Variants in LRRC37A2 observed in about 807,000 individuals in gnomAD.
The protein encoded by LRRC37A2 is leucine-rich repeat-containing protein 37A2.
A neutral mutation model predicts 68.8 loss-of-function variants in LRRC37A2; 9 were observed. That is an observed-to-expected ratio of 0.13 (90% CI 0.08 to 0.23). The LOEUF is 0.23. Ranked by LOEUF, LRRC37A2 falls within the 10% of genes least tolerant of loss-of-function variation. The probability of loss-of-function intolerance (pLI) is 1.00; values close to 1 mark genes in which losing one functional copy is unlikely to be tolerated. For missense variants in LRRC37A2, 168 were observed against 950.4 expected (o/e 0.18, Z 10.82); for synonymous variants, 63 against 367.6 (o/e 0.17, Z 9.48).
At chr17:46,631,002 C>T in the LRRC37A2 span, among the ~76,000 whole-genome samples, 1 of 140,758 alleles carries the variant, frequency 7.1e-6, no homozygotes, top group Non-Finnish European at 1.5e-5. Flanking sequence ...TACCAATTGT[C>T]ATATTTTCTT....
the LRRC37A2 span, among the ~76,000 whole-genome samples, chr17:47,023,748 TC>T: frequency 6.6e-6 from 1 of 151,988 alleles, no homozygotes. Context: ...GTGCCCTCCA[TC>T]ACACCCAGCT....
chr17:46,998,909 ACTGT>A, the LRRC37A2 span: 2 of 152,156 alleles, frequency 1.3e-5, no homozygotes, highest in Non-Finnish European at 2.9e-5. Context: ...CACTTCAGAT[ACTGT>A]CATCATGGAA....
chr17:46,883,407 A>C, the LRRC37A2 span, among the ~76,000 whole-genome samples: 6 of 149,436 alleles, frequency 4.0e-5, no homozygotes, highest in Non-Finnish European at 7.4e-5. Context: ...GCCTCAGCCT[A>C]TAGAGTAGCT....
chr17:46,971,963 C>T, the LRRC37A2 span, among the ~76,000 whole-genome samples: 1 of 152,226 alleles, frequency 6.6e-6, no homozygotes, highest in Non-Finnish European at 1.5e-5. Context: ...AAGGGTCACA[C>T]TTACAGCCAG....
chr17:46,794,759 T>C, the LRRC37A2 span, among the ~76,000 whole-genome samples: 24 of 149,732 alleles, frequency 1.6e-4, no homozygotes, highest in Non-Finnish European at 2.8e-4. Flanking sequence ...TTTCTTTTTT[T>C]TTTTTTTTTT....
the LRRC37A2 span, among the ~76,000 whole-genome samples, chr17:47,030,220 A>G: frequency 3.3e-5 from 5 of 151,192 alleles, no homozygotes; most frequent in African/African-American, 1.2e-4. Context: ...GAATTCACTC[A>G]AAAACATTCA....
the LRRC37A2 span, chr17:46,939,406 T>C: frequency 1.0e-6 from 1 of 994,862 alleles, no homozygotes; most frequent in Non-Finnish European, 1.2e-6. Flanking sequence ...TGTTTCTCTT[T>C]TCTAAAGTGA....
chr17:46,858,752 G>C, the LRRC37A2 span, among the ~76,000 whole-genome samples: 2 of 152,026 alleles, frequency 1.3e-5, no homozygotes, highest in Non-Finnish European at 2.9e-5. Flanking sequence ...CTACAGCCTC[G>C]ACCTTCTGGA....
At chr17:46,800,505 C>T in the LRRC37A2 span, among the ~76,000 whole-genome samples, 1 of 129,980 alleles carries the variant, frequency 7.7e-6, no homozygotes, top group Non-Finnish European at 1.8e-5. Context: ...AATCCCTGCC[C>T]TCAGGGGCTG....
At chr17:46,793,750 C>T in the LRRC37A2 span, among the ~76,000 whole-genome samples, 5 of 152,214 alleles carry the variant, frequency 3.3e-5, no homozygotes, top group Admixed American at 3.3e-4. Context: ...ACGTTCCCAG[C>T]ACCTTCCAAC....
chr17:46,769,705 A>T, the LRRC37A2 span: 1 of 1,573,576 alleles, frequency 6.4e-7, no homozygotes, highest in Non-Finnish European at 8.6e-7. Flanking sequence ...GGAAGGGGTG[A>T]GGTGGGGGCC....
the LRRC37A2 span, among the ~76,000 whole-genome samples, chr17:46,787,389 G>A: frequency 2.0e-5 from 3 of 152,208 alleles, no homozygotes; most frequent in South Asian, 6.2e-4. Context: ...CTATTACAGT[G>A]TTAGGTCATA....
the LRRC37A2 span, among the ~76,000 whole-genome samples, chr17:46,835,404 G>C: frequency 6.6e-6 from 1 of 151,966 alleles, no homozygotes; most frequent in Non-Finnish European, 1.5e-5. Context: ...TTAGAGACAG[G>C]GTTTCACCGT....
chr17:46,823,151 T>TA, the LRRC37A2 span, among the ~76,000 whole-genome samples: 2 of 119,260 alleles, frequency 1.7e-5, no homozygotes, highest in African/African-American at 3.5e-5. Context: ...ATTATATATA[T>TA]TTATATATTA....
In LRRC37A2 at chr17:46,533,793, C is replaced by T. The variant is rs1425199107; in HGVS notation, c.2907-6383C>T. Among the ~76,000 whole-genome samples the T allele has an allele frequency of 1.4e-4, 13 of 93,508 alleles. 1 individual carries two copies. The highest frequency in any genetic ancestry group is 3.3e-4 in the Admixed American group (3 of 9,216). 61.3% of individuals were successfully genotyped at this position (93,508 alleles called of 152,430 possible). A position where few individuals can be genotyped will look rare whatever the true frequency, so the allele number is the denominator to read the frequency against. Reference sequence around the variant, plus strand: ...CTGGGATTACAGGCCTGAGCCACTGCGCCCAGCCAGTGCTTTTTATTTCTT... The same window carrying T: ...CTGGGATTACAGGCCTGAGCCACTGTGCCCAGCCAGTGCTTTTTATTTCTT... On this transcript the variant is annotated intron_variant, in intron 6 of 14. Transcript: ENST00000576629.
chr17:46,889,448 C>T, the LRRC37A2 span, among the ~76,000 whole-genome samples: 3 of 152,178 alleles, frequency 2.0e-5, no homozygotes, highest in African/African-American at 4.8e-5. Flanking sequence ...ATGGAAGTCA[C>T]GTCTTAACCC....
At chr17:46,719,724 A>G in the LRRC37A2 span, among the ~76,000 whole-genome samples, 3 of 152,320 alleles carry the variant, frequency 2.0e-5, no homozygotes, top group East Asian at 1.9e-4. This position sits in a 1 kb window ranked among gnomAD's most constrained non-coding sequence, Gnocchi z 4.3. Context: ...CTATTTTACT[A>G]GTTCTATTCG....
the LRRC37A2 span, among the ~76,000 whole-genome samples, chr17:46,915,543 T>C: frequency 6.6e-6 from 1 of 152,192 alleles, no homozygotes; most frequent in Non-Finnish European, 1.5e-5. Context: ...GAATATGAGA[T>C]CATCTCTATT....
chr17:46,626,259 T>C, the LRRC37A2 span, among the ~76,000 whole-genome samples: 1 of 101,210 alleles, frequency 9.9e-6, no homozygotes, highest in African/African-American at 5.4e-5. Context: ...TATTAGGATG[T>C]GAAGTAATTC....
Sources: allele counts gnomAD v4.1 joint callset (sites outside exome capture counted in the v4.1 genomes callset), GRCh38; gene constraint gnomAD v4.1.1; non-coding constraint Gnocchi (gnomAD v3.1); transcripts MANE v1.5; gene names NCBI Gene and HGNC (gene_info 2026-07-23, HGNC 2026-07-21).